Variants in RIMS1 observed in about 807,000 individuals in gnomAD.
The protein encoded by RIMS1 is regulating synaptic membrane exocytosis protein 1.
RIMS1 carries 83 observed loss-of-function variants against 214.1 expected under a neutral mutation model. The ratio of observed to expected loss-of-function variants is 0.39; its 90% CI spans 0.32 to 0.47. The LOEUF (loss-of-function observed/expected upper bound fraction) is 0.47, where lower values mean the gene tolerates loss of function less well. Among genes scored for constraint, RIMS1 ranks in the 20% least tolerant of loss-of-function variants. The probability of loss-of-function intolerance (pLI) is 0.99; values close to 1 mark genes in which losing one functional copy is unlikely to be tolerated. For synonymous variants in RIMS1, 793 were observed against 786.8 expected, an observed-to-expected ratio of 1.01 and a Z score of -0.13; for missense variants, 2,050 against 2,161.8, an observed-to-expected ratio of 0.95 and a Z score of 1.03.
intron 2 of RIMS1, among the ~76,000 whole-genome samples, chr6:72,085,916 A>T (rs1476885929): frequency 1.3e-5 from 2 of 152,138 alleles, no homozygotes; most frequent in East Asian, 1.9e-4. Context: ...ATCACCAACC[A>T]TTTTACCAGC....
rs1229736077 is a variant in RIMS1 at position 72,402,208 on chromosome 6, TGTTA to T, written c.*1498_*1501del. ...AAACAAAAGGTTATTTAATAATGTA[TGTTA>T]GTTCCACATAGGCCAGCTTGTATGT... On this transcript the variant is annotated 3_prime_UTR_variant, in exon 34 of 34. Coordinates refer to ENST00000521978, the MANE Select transcript of RIMS1 (RefSeq NM_014989.7). 6.6e-6 allele frequency: 1 copy of T among 152,588 alleles called. No individual in the cohort carries two copies. Among genetic ancestry groups the T allele is most frequent in the Non-Finnish European group, 1.5e-5 (1 of 68,030 alleles). 9.5% of individuals were successfully genotyped at this position (152,588 alleles called of 1,614,324 possible).
At chr6:72,213,883 T>A (rs956679764) in intron 6 of RIMS1, among the ~76,000 whole-genome samples, 2 of 152,190 alleles carry the variant, frequency 1.3e-5, no homozygotes. Flanking sequence ...TTGATATAGC[T>A]GTGGAATCAC....
chr6:72,266,638 A>G (rs1435518906), intron 22 of RIMS1, among the ~76,000 whole-genome samples: 1 of 152,136 alleles, frequency 6.6e-6, no homozygotes, highest in African/African-American at 2.4e-5. Context: ...AGAAATACAT[A>G]TATATGTACA....
intron 2 of RIMS1, among the ~76,000 whole-genome samples, chr6:72,075,308 A>T (rs1562256334): frequency 6.6e-6 from 1 of 152,134 alleles, no homozygotes; most frequent in Non-Finnish European, 1.5e-5. Flanking sequence ...GTGTCTTACT[A>T]GTTTTTCCAG....
intron 1 of RIMS1, among the ~76,000 whole-genome samples, chr6:71,895,776 GA>G (rs745740442): frequency 6.6e-6 from 1 of 150,826 alleles, no homozygotes; most frequent in Non-Finnish European, 1.5e-5. Context: ...TTTTATTCTG[GA>G]AAAAATAGGC....
At chr6:72,368,113 T>C (rs531523867) in intron 29 of RIMS1, among the ~76,000 whole-genome samples, 71 of 152,128 alleles carry the variant, frequency 4.7e-4, no homozygotes, top group Non-Finnish European at 9.0e-4. Flanking sequence ...CTATTTGGTT[T>C]TATGCCATCA....
chr6:71,960,891 G>C, intron 1 of RIMS1, among the ~76,000 whole-genome samples: 1 of 151,718 alleles, frequency 6.6e-6, no homozygotes, highest in East Asian at 1.9e-4. Context: ...TCAAGAAGAA[G>C]TGAAAAAAAA....
rs1334042972 is a variant in RIMS1 at position 72,314,755 on chromosome 6, T to C, written c.4130+1083T>C. 2.0e-5 allele frequency among the ~76,000 whole-genome samples: 3 copies of C among 152,168 alleles called. No individual in the cohort carries two copies. The East Asian group carries it at 5.8e-4, about 29-fold the overall frequency. On this transcript the variant is annotated intron_variant, in intron 28 of 33. Coordinates refer to ENST00000521978, the MANE Select transcript of RIMS1 (RefSeq NM_014989.7). Reference sequence around the variant, plus strand: ...AAGTATTCTTATAGATTCCTTTTTATTGAATTCTTAATAAGATAGAATGTT... The same window carrying C: ...AAGTATTCTTATAGATTCCTTTTTACTGAATTCTTAATAAGATAGAATGTT...
At chr6:72,396,016 T>C (rs1172872953) in intron 31 of RIMS1, among the ~76,000 whole-genome samples, 2 of 151,824 alleles carry the variant, frequency 1.3e-5, no homozygotes, top group East Asian at 1.9e-4. Flanking sequence ...GAGACCCTCA[T>C]GAACCCCAAG....
chr6:72,302,194 C>T (rs1274190812), intron 26 of RIMS1, among the ~76,000 whole-genome samples: 1 of 151,356 alleles, frequency 6.6e-6, no homozygotes, highest in Non-Finnish European at 1.5e-5. Flanking sequence ...GTAATCTATG[C>T]CTAGTAATTC....
chr6:72,208,124 AAAG>A (rs1403938476), intron 6 of RIMS1, among the ~76,000 whole-genome samples: 1 of 152,204 alleles, frequency 6.6e-6, no homozygotes, highest in African/African-American at 2.4e-5. Flanking sequence ...CTCCGTAATG[AAAG>A]AAGGATGAAT....
chr6:71,911,387 C>G (rs1355546852), intron 1 of RIMS1, among the ~76,000 whole-genome samples: 1 of 152,108 alleles, frequency 6.6e-6, no homozygotes, highest in Non-Finnish European at 1.5e-5. Context: ...GGTAAATGGA[C>G]TTCTGCCCAC....
At chr6:72,008,443 A>G (rs1808752666) in intron 2 of RIMS1, among the ~76,000 whole-genome samples, 1 of 152,222 alleles carries the variant, frequency 6.6e-6, no homozygotes, top group South Asian at 2.1e-4. Flanking sequence ...AGCTAACATC[A>G]TAATGACAGG....
At position 72,302,793 on chromosome 6, in the gene RIMS1, T is replaced by A. The variant is rs185415226; in HGVS notation, c.3851-4465T>A. ...TGTCAACTTTGATACATATATGAGC[T>A]GACCTTGTTAAAAAATAATTTTTAC... is the stretch of plus-strand genomic sequence containing the variant. On this transcript the variant is annotated intron_variant, in intron 26 of 33. Transcript: ENST00000521978. 2.1e-3 allele frequency among the ~76,000 whole-genome samples: 320 copies of A among 151,764 alleles called. 4 individuals are homozygous for A. The highest frequency in any genetic ancestry group is 7.1e-3 in the African/African-American group (293 of 41,546).
At chr6:72,278,947 T>G (rs1268483921) in intron 23 of RIMS1, among the ~76,000 whole-genome samples, 1 of 152,076 alleles carries the variant, frequency 6.6e-6, no homozygotes, top group East Asian at 1.9e-4. Flanking sequence ...CATATTCTTA[T>G]GATATCAGTG....
intron 29 of RIMS1, among the ~76,000 whole-genome samples, chr6:72,384,407 A>C (rs1229335851): frequency 6.6e-6 from 1 of 152,120 alleles, no homozygotes; most frequent in Non-Finnish European, 1.5e-5. Context: ...TACTCCTCTC[A>C]GTCAGTTATC....
intron 2 of RIMS1, among the ~76,000 whole-genome samples, chr6:72,044,103 A>T (rs1451892309): frequency 3.3e-5 from 5 of 151,866 alleles, no homozygotes; most frequent in African/African-American, 1.2e-4. Flanking sequence ...AGGTTTTTTA[A>T]TTAAGTGTGG....
chr6:71,951,178 T>C (rs1040572551), intron 1 of RIMS1, among the ~76,000 whole-genome samples: 2 of 152,192 alleles, frequency 1.3e-5, no homozygotes, highest in African/African-American at 4.8e-5. Flanking sequence ...TGATGGACTG[T>C]TCAGATTATG....
At chr6:71,913,402 T>C (rs978979368) in intron 1 of RIMS1, among the ~76,000 whole-genome samples, 3 of 152,064 alleles carry the variant, frequency 2.0e-5, no homozygotes, top group Non-Finnish European at 2.9e-5. Flanking sequence ...TTATAGACAA[T>C]AATGTTGTTT....
Sources: allele counts gnomAD v4.1 joint callset (sites outside exome capture counted in the v4.1 genomes callset), GRCh38; gene constraint gnomAD v4.1.1; transcripts MANE v1.5; gene names NCBI Gene and HGNC (gene_info 2026-07-23, HGNC 2026-07-21).